ERC2: variants seen among roughly 807,000 people sequenced by gnomAD.
The protein encoded by ERC2 is ELKS/RAB6-interacting/CAST family member 2, also known as ERC protein 2.
A neutral mutation model predicts 114.8 loss-of-function variants in ERC2; 42 were observed. The ratio of observed to expected loss-of-function variants is 0.37; its 90% CI spans 0.29 to 0.47. ERC2 has a LOEUF of 0.47. ERC2 is among the 20% of genes least tolerant of loss of function. The probability of loss-of-function intolerance (pLI) is 0.99; values close to 1 mark genes in which losing one functional copy is unlikely to be tolerated. For synonymous variants in ERC2, 454 were observed against 425.5 expected (o/e 1.07, Z -0.82); for missense variants, 939 against 1,150.7 (o/e 0.82, Z 2.66).
intron 10 of ERC2, among the ~76,000 whole-genome samples, chr3:55,999,578 A>C (rs1352791508): frequency 1.3e-5 from 2 of 151,984 alleles, no homozygotes; most frequent in Admixed American, 6.6e-5. Flanking sequence ...AAATAAAAGA[A>C]ATTTCCTAGC....
intron 2 of ERC2, among the ~76,000 whole-genome samples, chr3:56,359,842 G>T (rs1004653912): frequency 1.4e-5 from 2 of 146,932 alleles, no homozygotes; most frequent in East Asian, 3.9e-4. Flanking sequence ...TAAACAACCA[G>T]CTCTCATGAA....
chr3:55,904,035 T>C (rs1048988028), intron 13 of ERC2, among the ~76,000 whole-genome samples: 7 of 152,210 alleles, frequency 4.6e-5, no homozygotes, highest in Admixed American at 3.3e-4. Context: ...CTGAGATTAA[T>C]CCATAATCCT....
At chr3:56,343,192 T>TCTCACACACACACACACACACA (rs1376220124) in intron 2 of ERC2, among the ~76,000 whole-genome samples, 3 of 126,130 alleles carry the variant, frequency 2.4e-5, no homozygotes, top group Non-Finnish European at 4.9e-5. Context: ...TCTCTCTCTC[T>TCTCACACACACACACACACACA]CACACACACA....
intron 17 of ERC2, among the ~76,000 whole-genome samples, chr3:55,592,058 G>A (rs1482989965): frequency 3.3e-5 from 5 of 152,194 alleles, no homozygotes; most frequent in African/African-American, 1.2e-4. Flanking sequence ...GTTTCAGTGT[G>A]TAGGCAGGGG....
intron 17 of ERC2, chr3:55,657,354 T>G (rs1340551566): frequency 1.3e-5 from 2 of 152,316 alleles, no homozygotes; most frequent in East Asian, 3.9e-4. Context: ...TTCCCTTACT[T>G]CCAAGTCCTT....
intron 14 of ERC2, among the ~76,000 whole-genome samples, chr3:55,816,340 G>T (rs1226229892): frequency 6.6e-6 from 1 of 152,198 alleles, no homozygotes; most frequent in Non-Finnish European, 1.5e-5. Context: ...GCATTTACTA[G>T]TGACATCACT....
chr3:56,448,748 T>A (rs1362476545), intron 1 of ERC2, among the ~76,000 whole-genome samples: 1 of 152,178 alleles, frequency 6.6e-6, no homozygotes, highest in Non-Finnish European at 1.5e-5. Context: ...CAAATAGGCA[T>A]GGCTGTGTTC....
intron 15 of ERC2, among the ~76,000 whole-genome samples, chr3:55,706,239 C>T (rs1255377568): frequency 6.6e-6 from 1 of 152,168 alleles, no homozygotes; most frequent in Non-Finnish European, 1.5e-5. Flanking sequence ...CAGAAAACTG[C>T]CCATTGATGC....
intron 2 of ERC2, among the ~76,000 whole-genome samples, chr3:56,362,209 A>C (rs879850875): frequency 6.6e-6 from 1 of 152,224 alleles, no homozygotes; most frequent in Non-Finnish European, 1.5e-5. Context: ...GCTGATCCAC[A>C]GATCAAGCTA....
intron 14 of ERC2, among the ~76,000 whole-genome samples, chr3:55,813,359 A>T (rs1332179937): frequency 6.6e-6 from 1 of 152,216 alleles, no homozygotes; most frequent in East Asian, 1.9e-4. Flanking sequence ...CACGTGGAGC[A>T]AGTGGTTACC....
At chr3:55,839,781 G>A (rs1409056975) in intron 14 of ERC2, among the ~76,000 whole-genome samples, 1 of 151,786 alleles carries the variant, frequency 6.6e-6, no homozygotes, top group African/African-American at 2.4e-5. Flanking sequence ...AGGAATTAAC[G>A]AAAAGATGGG....
At chr3:55,599,516 ATGTG>A (rs1182052525) in intron 17 of ERC2, among the ~76,000 whole-genome samples, 1 of 152,194 alleles carries the variant, frequency 6.6e-6, no homozygotes, top group African/African-American at 2.4e-5. Flanking sequence ...ATGGTTCATT[ATGTG>A]TGTGTGTTTG....
rs2080042122 is a variant in ERC2, at chr3:56,128,902, A to T, written c.1473+10607T>A. 2.6e-5 allele frequency among the ~76,000 whole-genome samples: 4 copies of T among 152,238 alleles called. No homozygotes were observed. The South Asian group carries it at 8.3e-4, about 32-fold the overall frequency. The stretch of plus-strand genomic sequence containing the variant: ...AAACACAGAATCTGTCCCGTTTCAA[A>T]TTAGCAACTGCCAAGTAGTATTGTA... On this transcript the variant is annotated intron_variant, in intron 6 of 17. Transcript: ENST00000288221.
At chr3:56,174,187 C>T (rs2082840754) in intron 3 of ERC2, among the ~76,000 whole-genome samples, 1 of 152,212 alleles carries the variant, frequency 6.6e-6, no homozygotes, top group South Asian at 2.1e-4. Flanking sequence ...GACCCAAAAA[C>T]CCCTGGAACG....
At chr3:56,460,872 G>A (rs1041198332) in intron 1 of ERC2, among the ~76,000 whole-genome samples, 1 of 150,106 alleles carries the variant, frequency 6.7e-6, no homozygotes, top group African/African-American at 2.5e-5. Context: ...TGTAATCCTA[G>A]CACTTTGGGA....
At chr3:55,748,665 G>A (rs868680913) in intron 14 of ERC2, among the ~76,000 whole-genome samples, 19 of 152,260 alleles carry the variant, frequency 1.2e-4, no homozygotes, top group African/African-American at 4.1e-4. Flanking sequence ...GAATCCATGT[G>A]GCATTTCCCT....
At chr3:56,116,496 G>C (rs929886865) in intron 6 of ERC2, among the ~76,000 whole-genome samples, 3 of 152,180 alleles carry the variant, frequency 2.0e-5, no homozygotes, top group Non-Finnish European at 4.4e-5. Context: ...AGGTGTATGT[G>C]CATTGGGACA....
At chr3:56,170,585 GTTTTTTTTTTT>G (rs1178172687) in intron 4 of ERC2, among the ~76,000 whole-genome samples, 6 of 61,764 alleles carry the variant, frequency 9.7e-5, no homozygotes, top group African/African-American at 3.7e-4. Flanking sequence ...AATCTCTTCT[GTTTTTTTTTTT>G]TTTTTTTTTT....
At chr3:56,027,196 C>T (rs1380000693) in intron 7 of ERC2, among the ~76,000 whole-genome samples, 1 of 152,152 alleles carries the variant, frequency 6.6e-6, no homozygotes, top group Non-Finnish European at 1.5e-5. Flanking sequence ...GATATCCAGG[C>T]TTGCTTAAGC....
Sources: gnomAD v4.1 joint callset for allele counts (sites outside exome capture counted in the v4.1 genomes callset) on GRCh38, gnomAD v4.1.1 for gene constraint, MANE v1.5 for transcripts, NCBI Gene and HGNC (gene_info 2026-07-23, HGNC 2026-07-21) for gene names.